The following RAD18 variants were observed in gnomAD, a reference collection of about 807,000 sequenced individuals.
RAD18 encodes RAD18 E3 ubiquitin protein ligase, also known as E3 ubiquitin-protein ligase RAD18.
Under a neutral mutation model 60.4 loss-of-function variants are expected in RAD18, and 47 were observed. That is an observed-to-expected ratio of 0.78 (90% CI 0.62 to 0.99). The LOEUF (loss-of-function observed/expected upper bound fraction) is 0.99, where lower values mean the gene tolerates loss of function less well. Among genes scored for constraint, RAD18 ranks in the 50% least tolerant of loss-of-function variants. The pLI is 0.00. For missense variants in RAD18, 640 were observed against 593.3 expected (o/e 1.08, Z -0.82); for synonymous variants, 225 against 195.5 (o/e 1.15, Z -1.26).
intron 2 of RAD18, among the ~76,000 whole-genome samples, chr3:8,950,813 G>A (rs567030509): frequency 6.6e-6 from 1 of 152,330 alleles, no homozygotes; most frequent in Admixed American, 6.5e-5. Context: ...CATAAGCAGA[G>A]AGGTGGAAAT....
Position 8,916,531 on chromosome 3 carries a change from A to G in RAD18, c.890-2811T>C, listed in dbSNP as rs574144616. Reference sequence around the variant, plus strand: ...ACCTACACTGTCTGGCTTTCAATCAAAACTTAAACATGAAAAAGCAGCAAA... The same window carrying G: ...ACCTACACTGTCTGGCTTTCAATCAGAACTTAAACATGAAAAAGCAGCAAA... On this transcript the variant is annotated intron_variant, in intron 7 of 12. Coordinates refer to ENST00000264926, the MANE Select transcript of RAD18 (RefSeq NM_020165.4). Among the ~76,000 whole-genome samples, 17 of 152,354 alleles carry G rather than the reference A, an allele frequency of 1.1e-4. No individual in the cohort carries two copies. The South Asian group carries it at 3.5e-3, about 32-fold the overall frequency.
intron 7 of RAD18, among the ~76,000 whole-genome samples, chr3:8,935,298 C>T (rs11707265): frequency 0.13 from 19,712 of 152,134 alleles, 1,478 homozygotes; most frequent in East Asian, 0.23. Flanking sequence ...GAACCAACCA[C>T]TAAATAGTGC....
chr3:8,938,965 A>G (rs1214800267), intron 6 of RAD18, among the ~76,000 whole-genome samples: 1 of 152,204 alleles, frequency 6.6e-6, no homozygotes, highest in East Asian at 1.9e-4. Context: ...CAAGGGAGGT[A>G]GAACAGCACA....
At chr3:8,928,911 A>G (rs148549818) in intron 7 of RAD18, among the ~76,000 whole-genome samples, 76 of 152,262 alleles carry the variant, frequency 5.0e-4, no homozygotes, top group African/African-American at 1.8e-3. Flanking sequence ...TCTTTGGCCA[A>G]CATTGAATTA....
Position 8,913,706 on chromosome 3 carries a change from G to T in RAD18, c.904C>A (p.Arg302=). The T allele has an allele frequency of 6.4e-7, 1 of 1,560,444 alleles. No individual in the cohort carries two copies. The highest frequency in any genetic ancestry group is 1.2e-5 in the South Asian group (1 of 84,276). ...LHPKSAAEIV[R]EIENIEKTRM... ...GTCTTCTCTATATTTTCGATTTCTCGAACTATTTCAGCAGCTGTTAAAATA... is the reference window on the plus strand; with the variant it reads ...GTCTTCTCTATATTTTCGATTTCTCTAACTATTTCAGCAGCTGTTAAAATA... The change falls in exon 8 of 13, where the codon CGA becomes AGA. Residue 302 remains arginine (R), a synonymous_variant. Coordinates refer to ENST00000264926, the MANE Select transcript of RAD18 (RefSeq NM_020165.4).
chr3:8,910,093 T>G (rs341777), intron 9 of RAD18, among the ~76,000 whole-genome samples: 106,212 of 151,928 alleles, frequency 0.7, 37,590 homozygotes, highest in Middle Eastern at 0.76. Context: ...AGAGCAGCCA[T>G]GTATTAACAG....
intron 10 of RAD18, among the ~76,000 whole-genome samples, chr3:8,899,412 G>GACT (rs1317168114): frequency 1.3e-5 from 2 of 152,076 alleles, no homozygotes; most frequent in Admixed American, 1.3e-4. Context: ...ACCAAAAAAA[G>GACT]ACTACAGATT....
intron 1 of RAD18, among the ~76,000 whole-genome samples, chr3:8,961,703 G>A (rs777045338): frequency 1.3e-5 from 2 of 152,186 alleles, no homozygotes; most frequent in Non-Finnish European, 2.9e-5. Context: ...AAGATTCCAT[G>A]ATTCCAATGT....
intron 11 of RAD18, 152 bp from the exon 12 acceptor site, chr3:8,890,603 C>A: frequency 1.8e-6 from 1 of 548,436 alleles, no homozygotes; most frequent in South Asian, 3.0e-5. Flanking sequence ...TGGGGGTGGG[C>A]AAGGAAAGAG....
chr3:8,948,494 G>A lies in RAD18; in HGVS notation c.195+15C>T. 1.2e-6 allele frequency: 2 copies of A among 1,604,478 alleles called. No homozygotes were observed. The highest frequency in any genetic ancestry group is 1.7e-6 in the Non-Finnish European group (2 of 1,172,460). On this transcript the variant is annotated intron_variant, in intron 3 of 12. Coordinates refer to ENST00000264926, the MANE Select transcript of RAD18 (RefSeq NM_020165.4). ...AGCAGTCAGTAAGTTTTAAAAAAAG[G>A]AAACAAAAACTCACCACACAGCAAG...
intron 6 of RAD18, among the ~76,000 whole-genome samples, chr3:8,937,490 C>G (rs1940672271): frequency 6.7e-6 from 1 of 150,098 alleles, no homozygotes. Context: ...TGAGGCAGTT[C>G]TGACATGGTT....
At position 8,951,472 on chromosome 3, in the gene RAD18, T is replaced by C. The variant is rs116638708; in HGVS notation, c.134-2902A>G. Among the ~76,000 whole-genome samples the C allele has an allele frequency of 7.5e-3, 1,135 of 152,308 alleles. 16 individuals are homozygous for C. The highest frequency in any genetic ancestry group is 0.026 in the African/African-American group (1,076 of 41,570). ...GAATCTGTTTTCAGTAGACTTCCCT[T>C]GCAAGAAATGCTAAAAGAAATTCTT... is the stretch of plus-strand genomic sequence containing the variant. On this transcript the variant is annotated intron_variant, in intron 2 of 12. Transcript: ENST00000264926.
intron 12 of RAD18, chr3:8,889,988 G>C (rs1027955574): frequency 5.6e-6 from 1 of 178,026 alleles, no homozygotes; most frequent in Non-Finnish European, 1.2e-5. Flanking sequence ...TGCTGTACAG[G>C]TTTGTAGCCT....
At position 8,907,351 on chromosome 3, in the gene RAD18, T is replaced by C. The variant is rs201370193; in HGVS notation, c.1028-4831A>G. 6.6e-5 allele frequency among the ~76,000 whole-genome samples: 10 copies of C among 152,264 alleles called. No individual in the cohort carries two copies. The East Asian group carries it at 9.7e-4, about 15-fold the overall frequency. ...TGGCTGGAAACAGACACCCTCTAAG[T>C]TTTAATTGATAATGTGATACATATC... On this transcript the variant is annotated intron_variant, in intron 9 of 12. Coordinates refer to ENST00000264926, the MANE Select transcript of RAD18 (RefSeq NM_020165.4).
In RAD18 at chr3:8,902,407, TAGA is replaced by T. The variant is rs748603054; in HGVS notation, c.1138_1140del (p.Ser380del). On this transcript the variant is annotated inframe_deletion, in exon 10 of 13. Transcript: ENST00000264926. ...ATGCATACAGAAGATAGCTTTTCTG[TAGA>T]TTCATCTTCTTTTGTTATTGTTACT... is the stretch of plus-strand genomic sequence containing the variant. 1 of 1,607,880 alleles carries T rather than the reference TAGA, an allele frequency of 6.2e-7. No individual in the cohort carries two copies. Among genetic ancestry groups the T allele is most frequent in the Non-Finnish European group, 8.5e-7 (1 of 1,176,612 alleles).
chr3:8,915,644 C>T (rs1426678410), intron 7 of RAD18, among the ~76,000 whole-genome samples: 3 of 149,182 alleles, frequency 2.0e-5, no homozygotes, highest in Non-Finnish European at 4.4e-5. Context: ...AGTGCAGTGG[C>T]GCGATCTCGG....
chr3:8,889,531 A>T (rs1441363850), intron 12 of RAD18, among the ~76,000 whole-genome samples: 5 of 152,180 alleles, frequency 3.3e-5, no homozygotes, highest in Non-Finnish European at 7.3e-5. Flanking sequence ...CTACTGTAGG[A>T]GGACTGGATC....
intron 12 of RAD18, among the ~76,000 whole-genome samples, chr3:8,887,119 C>G (rs565363892): frequency 1.3e-5 from 2 of 152,168 alleles, no homozygotes; most frequent in Admixed American, 6.5e-5. Context: ...GAAGCTGCCC[C>G]AGCTATACCT....
chr3:8,892,746 T>C (rs966898203), intron 11 of RAD18, among the ~76,000 whole-genome samples: 8 of 152,230 alleles, frequency 5.3e-5, no homozygotes, highest in Admixed American at 2.0e-4. Flanking sequence ...GTAAAGAATT[T>C]ACTACTGAAG....
Sources: allele counts gnomAD v4.1 joint callset (sites outside exome capture counted in the v4.1 genomes callset), GRCh38; gene constraint gnomAD v4.1.1; transcripts MANE v1.5; gene names NCBI Gene and HGNC (gene_info 2026-07-23, HGNC 2026-07-21).